ME3: variants seen among roughly 807,000 people sequenced by gnomAD.
The protein encoded by ME3 is malic enzyme 3.
Under a neutral mutation model 68.9 loss-of-function variants are expected in ME3, and 48 were observed. The observed-to-expected ratio is 0.70, with a 90% CI of 0.55 to 0.89. ME3 has a LOEUF of 0.89. ME3 is among the 40% of genes least tolerant of loss of function. The probability of loss-of-function intolerance (pLI) is 0.00; values close to 1 mark genes in which losing one functional copy is unlikely to be tolerated. For missense variants in ME3, 675 were observed against 797.4 expected (o/e 0.85, Z 1.85); for synonymous variants, 320 against 318.8 (o/e 1.00, Z -0.04).
intron 4 of ME3, among the ~76,000 whole-genome samples, chr11:86,551,171 C>G (rs7930715): frequency 6.6e-6 from 1 of 151,960 alleles, no homozygotes; most frequent in African/African-American, 2.4e-5. Flanking sequence ...AAAGTAATAC[C>G]CCTCCTTTAA....
At chr11:86,600,201 GA>G (rs1960357590) in intron 2 of ME3, among the ~76,000 whole-genome samples, 1 of 151,998 alleles carries the variant, frequency 6.6e-6, no homozygotes, top group Non-Finnish European at 1.5e-5. Flanking sequence ...CTGTATTCAG[GA>G]AACCCATCTC....
intron 2 of ME3, among the ~76,000 whole-genome samples, chr11:86,571,106 C>T (rs191895556): frequency 2.0e-5 from 3 of 152,332 alleles, no homozygotes. Context: ...AGCAATTTGG[C>T]AATTGCACTT....
chr11:86,609,591 A>C (rs11234718), intron 2 of ME3, among the ~76,000 whole-genome samples: 7,852 of 152,134 alleles, frequency 0.052, 271 homozygotes, highest in Middle Eastern at 0.11. Context: ...ACACACACAC[A>C]CCCCTAACCA....
intron 2 of ME3, among the ~76,000 whole-genome samples, chr11:86,590,060 C>T (rs1310881136): frequency 6.6e-6 from 1 of 152,142 alleles, no homozygotes; most frequent in Non-Finnish European, 1.5e-5. Flanking sequence ...TGTCCCAAAC[C>T]AGGGAAGAGA....
intron 7 of ME3, among the ~76,000 whole-genome samples, chr11:86,483,598 T>A (rs1227488317): frequency 6.6e-6 from 1 of 151,736 alleles, no homozygotes; most frequent in African/African-American, 2.4e-5. Context: ...AAAAAAAAAA[T>A]TTTCCTAGAG....
intron 4 of ME3, among the ~76,000 whole-genome samples, chr11:86,554,465 T>C (rs1956836131): frequency 6.6e-6 from 1 of 152,252 alleles, no homozygotes; most frequent in African/African-American, 2.4e-5. Flanking sequence ...GATTCAATTT[T>C]CTTGGTAAAT....
intron 8 of ME3, among the ~76,000 whole-genome samples, chr11:86,452,440 G>A (rs1181715609): frequency 6.6e-6 from 1 of 152,136 alleles, no homozygotes; most frequent in Admixed American, 6.5e-5. Flanking sequence ...ATGCTCAATA[G>A]TAAATATTAA....
chr11:86,598,183 C>T lies in ME3; in HGVS notation c.184-38360G>A, dbSNP rs185030834. 4.1e-3 allele frequency among the ~76,000 whole-genome samples: 631 copies of T among 152,274 alleles called. 1 individual carries two copies. Among genetic ancestry groups the T allele is most frequent in the African/African-American group, 0.015 (609 of 41,568 alleles). ...GGGAAGTGCAAGGGGTCAGGGAGTT[C>T]CCTTTCCTGGTCAAGGAAAGGGGTG... On this transcript the variant is annotated intron_variant, in intron 2 of 14. Transcript: ENST00000543262.
chr11:86,568,044 TAC>T (rs5793202), intron 2 of ME3, among the ~76,000 whole-genome samples: 45,325 of 151,946 alleles, frequency 0.3, 7,170 homozygotes, highest in East Asian at 0.53. Context: ...ATTGAGAAGT[TAC>T]AGTTTCCGTG....
intron 2 of ME3, among the ~76,000 whole-genome samples, chr11:86,654,688 A>G (rs1945730145): frequency 6.6e-6 from 1 of 152,254 alleles, no homozygotes; most frequent in Admixed American, 6.5e-5. Flanking sequence ...AACTGGCACA[A>G]GACAGGGATG....
At position 86,476,414 on chromosome 11, in the gene ME3, T is replaced by C. The variant is rs1951086417; in HGVS notation, c.809+10923A>G. ...CTGAGGGCAAAGTACAAGGCTTCTA[T>C]ATGTGGAGCCTCTGAATAGGTCAGT... is the stretch of plus-strand genomic sequence containing the variant. On this transcript the variant is annotated intron_variant, in intron 7 of 14. Coordinates refer to ENST00000543262, the Ensembl canonical transcript of ME3. Among the ~76,000 whole-genome samples, 2 of 152,198 alleles carry C rather than the reference T, an allele frequency of 1.3e-5. 1 individual carries two copies. The highest frequency in any genetic ancestry group is 4.1e-4 in the South Asian group (2 of 4,826).
At chr11:86,616,604 CCT>C (rs1379006009) in intron 2 of ME3, among the ~76,000 whole-genome samples, 1 of 152,198 alleles carries the variant, frequency 6.6e-6, no homozygotes, top group African/African-American at 2.4e-5. Flanking sequence ...AAGAATTCTA[CCT>C]CTGTGATAGT....
intron 2 of ME3, among the ~76,000 whole-genome samples, chr11:86,583,668 A>G (rs1264281210): frequency 6.6e-6 from 1 of 152,182 alleles, no homozygotes; most frequent in Non-Finnish European, 1.5e-5. Flanking sequence ...TGGGAATGGT[A>G]TGTGATTAGA....
chr11:86,462,713 C>T (rs1950282335), intron 8 of ME3: 1 of 638,494 alleles, frequency 1.6e-6, no homozygotes, highest in African/African-American at 1.9e-5. Flanking sequence ...TGGTTCTTGC[C>T]TCCAGAAGCT....
At chr11:86,607,473 T>TA (rs71040248) in intron 2 of ME3, among the ~76,000 whole-genome samples, 1 of 140,478 alleles carries the variant, frequency 7.1e-6, no homozygotes, top group South Asian at 2.2e-4. Flanking sequence ...TTTTTTTTTT[T>TA]AAACTTCAGG....
intron 2 of ME3, among the ~76,000 whole-genome samples, chr11:86,630,379 C>T (rs1397029082): frequency 6.6e-6 from 1 of 152,142 alleles, no homozygotes; most frequent in African/African-American, 2.4e-5. Context: ...AGCTGGACAC[C>T]TGAGTGGGTT....
intron 4 of ME3, among the ~76,000 whole-genome samples, chr11:86,532,144 A>G (rs980332039): frequency 6.6e-6 from 1 of 152,184 alleles, no homozygotes; most frequent in Admixed American, 6.5e-5. Context: ...TCATTATATA[A>G]TGATAAAGGA....
intron 8 of ME3, among the ~76,000 whole-genome samples, chr11:86,460,569 C>G (rs548213212): frequency 6.6e-6 from 1 of 152,136 alleles, no homozygotes. Flanking sequence ...GTGGGTTGCT[C>G]GATTCCAGCC....
At chr11:86,465,038 T>C in intron 8 of ME3, 53 bp downstream of exon 8, 1 of 1,421,646 alleles carries the variant, frequency 7.0e-7, no homozygotes, top group East Asian at 2.3e-5. Context: ...CCCAGTGAGG[T>C]TGAGAATATA....
Sources: gnomAD v4.1 joint callset for allele counts (sites outside exome capture counted in the v4.1 genomes callset) on GRCh38, gnomAD v4.1.1 for gene constraint, MANE v1.5 for transcripts, NCBI Gene and HGNC (gene_info 2026-07-23, HGNC 2026-07-21) for gene names.